ROR2: variants seen among roughly 807,000 people sequenced by gnomAD.
The protein encoded by ROR2 is ROR family WNT receptor 2.
ROR2 carries 33 observed loss-of-function variants against 74.9 expected under a neutral mutation model. That is an observed-to-expected ratio of 0.44 (90% CI 0.33 to 0.59). The LOEUF is 0.59. Among genes scored for constraint, ROR2 ranks in the 20% least tolerant of loss-of-function variants. The probability of loss-of-function intolerance (pLI) is 0.02; values close to 1 mark genes in which losing one functional copy is unlikely to be tolerated. For missense variants in ROR2, 1,216 were observed against 1,313.8 expected (o/e 0.93, Z 1.15); for synonymous variants, 586 against 558.7 (o/e 1.05, Z -0.69).
intron 1 of ROR2, among the ~76,000 whole-genome samples, chr9:91,930,772 T>A (rs1260976874): frequency 6.6e-6 from 1 of 152,126 alleles, no homozygotes; most frequent in East Asian, 1.9e-4. Flanking sequence ...AAAAACAGAA[T>A]ACAGCAAACA....
chr9:91,877,903 T>C (rs996400197), intron 1 of ROR2, among the ~76,000 whole-genome samples: 1 of 152,184 alleles, frequency 6.6e-6, no homozygotes, highest in East Asian at 1.9e-4. Context: ...AGAAGGGTTA[T>C]AAATAACTCA....
At chr9:91,851,783 T>C (rs919689308) in intron 1 of ROR2, among the ~76,000 whole-genome samples, 1 of 152,080 alleles carries the variant, frequency 6.6e-6, no homozygotes, top group Non-Finnish European at 1.5e-5. Context: ...CAGACCAGTG[T>C]GGCCAACAGA....
intron 1 of ROR2, among the ~76,000 whole-genome samples, chr9:91,910,782 GCCT>G (rs1360342126): frequency 6.6e-6 from 1 of 151,872 alleles, no homozygotes; most frequent in Non-Finnish European, 1.5e-5. Flanking sequence ...TCCTGCCTCA[GCCT>G]CCTAAGTAGC....
chr9:91,934,080 T>C (rs2049705), intron 1 of ROR2, among the ~76,000 whole-genome samples: 7,923 of 152,242 alleles, frequency 0.052, 279 homozygotes, highest in South Asian at 0.11. Context: ...GAATGAAGCA[T>C]CAAGTCTGTT....
At chr9:91,949,325 G>A (rs1185954126) in intron 1 of ROR2, among the ~76,000 whole-genome samples, 1 of 151,852 alleles carries the variant, frequency 6.6e-6, no homozygotes, top group Non-Finnish European at 1.5e-5. Context: ...GGACCCGGGA[G>A]CCGCCGGCGC....
chr9:91,734,133 G>A (rs1355148512), intron 5 of ROR2, among the ~76,000 whole-genome samples: 2 of 152,178 alleles, frequency 1.3e-5, no homozygotes, highest in Non-Finnish European at 2.9e-5. Flanking sequence ...AGAAGATGGG[G>A]TGAGTTCGGG....
At chr9:91,945,350 A>G (rs746065166) in intron 1 of ROR2, among the ~76,000 whole-genome samples, 20 of 152,206 alleles carry the variant, frequency 1.3e-4, no homozygotes, top group Non-Finnish European at 2.6e-4. Flanking sequence ...TTAACTGCCC[A>G]TTGTGTTAAC....
intron 1 of ROR2, among the ~76,000 whole-genome samples, chr9:91,902,677 T>C (rs1564028670): frequency 6.6e-6 from 1 of 152,188 alleles, no homozygotes; most frequent in Non-Finnish European, 1.5e-5. Flanking sequence ...AAAGGGACAC[T>C]GTTAAGCTCA....
At chr9:91,916,288 A>G (rs566305716) in intron 1 of ROR2, among the ~76,000 whole-genome samples, 2 of 152,370 alleles carry the variant, frequency 1.3e-5, no homozygotes, top group South Asian at 4.1e-4. Context: ...GTCATGGATA[A>G]TCTTACGTGG....
At chr9:91,858,533 G>C (rs941960574) in intron 1 of ROR2, among the ~76,000 whole-genome samples, 1 of 152,204 alleles carries the variant, frequency 6.6e-6, no homozygotes, top group Non-Finnish European at 1.5e-5. Context: ...GACTCACCCA[G>C]ATCTGTGGGT....
At chr9:91,762,994 C>T (rs1825961879) in intron 2 of ROR2, among the ~76,000 whole-genome samples, 1 of 152,096 alleles carries the variant, frequency 6.6e-6, no homozygotes, top group African/African-American at 2.4e-5. Context: ...GAATACAATG[C>T]AGCCATAAAA....
chr9:91,937,552 GAT>G (rs1397984478), intron 1 of ROR2, among the ~76,000 whole-genome samples: 1 of 152,056 alleles, frequency 6.6e-6, no homozygotes, highest in Non-Finnish European at 1.5e-5. Flanking sequence ...CCAGACAAAG[GAT>G]TCTTACAAAG....
At chr9:91,945,858 C>T (rs1167896834) in intron 1 of ROR2, among the ~76,000 whole-genome samples, 1 of 152,236 alleles carries the variant, frequency 6.6e-6, no homozygotes, top group African/African-American at 2.4e-5. Context: ...GTCCCGCCCT[C>T]GTTTCCAACT....
At chr9:91,739,510 A>AT (rs1367906115) in intron 4 of ROR2, among the ~76,000 whole-genome samples, 2 of 79,406 alleles carry the variant, frequency 2.5e-5, no homozygotes, top group East Asian at 3.1e-4. Flanking sequence ...CTGTCTTTAA[A>AT]TTTAAAAAAA....
chr9:91,751,858 A>G (rs1263384948), intron 4 of ROR2, among the ~76,000 whole-genome samples: 3 of 152,226 alleles, frequency 2.0e-5, no homozygotes, highest in African/African-American at 7.2e-5. Context: ...TAAACAGCCC[A>G]TATTCACTAA....
intron 1 of ROR2, among the ~76,000 whole-genome samples, chr9:91,798,928 C>A (rs997158288): frequency 6.6e-6 from 1 of 152,080 alleles, no homozygotes; most frequent in Non-Finnish European, 1.5e-5. Flanking sequence ...ACGCTCTGAC[C>A]CTGTGCACCT....
intron 1 of ROR2, among the ~76,000 whole-genome samples, chr9:91,922,314 T>C (rs150210527): frequency 4.7e-4 from 71 of 152,086 alleles, no homozygotes; most frequent in African/African-American, 1.5e-3. Flanking sequence ...CCAAAAGAAA[T>C]TGAAGACTTG....
At position 91,741,226 on chromosome 9, in the gene ROR2, G is replaced by C. The variant is rs570377133; in HGVS notation, c.495-3708C>G. Among the ~76,000 whole-genome samples the C allele has an allele frequency of 8.2e-4, 125 of 151,856 alleles. 1 individual carries two copies. The highest frequency in any genetic ancestry group is 1.4e-3 in the Non-Finnish European group (94 of 67,978). ...GAGGCAGGGGAATCGCTTGAACCCG[G>C]GAGGCAGAGGTTGCAGTGAGCAGAG... On this transcript the variant is annotated intron_variant, in intron 4 of 8. Coordinates refer to ENST00000375708, the MANE Select transcript of ROR2 (RefSeq NM_004560.4).
At chr9:91,836,952 T>C (rs1024819318) in intron 1 of ROR2, among the ~76,000 whole-genome samples, 1 of 152,272 alleles carries the variant, frequency 6.6e-6, no homozygotes, top group Non-Finnish European at 1.5e-5. Flanking sequence ...CAATGGTATA[T>C]ACCATGTTTT....
Sources: gnomAD v4.1 joint callset for allele counts (sites outside exome capture counted in the v4.1 genomes callset) on GRCh38, gnomAD v4.1.1 for gene constraint, MANE v1.5 for transcripts, NCBI Gene and HGNC (gene_info 2026-07-23, HGNC 2026-07-21) for gene names.